TRPM6: variants seen among roughly 807,000 people sequenced by gnomAD.
The protein encoded by TRPM6 is channel kinase 2.
TRPM6 carries 111 observed loss-of-function variants against 247.6 expected under a neutral mutation model. The ratio of observed to expected loss-of-function variants is 0.45; its 90% CI spans 0.38 to 0.52. The LOEUF is 0.52. Among genes scored for constraint, TRPM6 ranks in the 20% least tolerant of loss-of-function variants. The pLI is 0.00. For synonymous variants in TRPM6, 892 were observed against 853.8 expected (o/e 1.04, Z -0.78); for missense variants, 2,126 against 2,421.5 (o/e 0.88, Z 2.56).
At chr9:74,816,037 T>C (rs1234203719) in intron 11 of TRPM6, among the ~76,000 whole-genome samples, 1 of 152,140 alleles carries the variant, frequency 6.6e-6, no homozygotes, top group Non-Finnish European at 1.5e-5. Context: ...AATAACAAGA[T>C]AGAAATCTAC....
In TRPM6 at chr9:74,815,248, G is replaced by T. The variant is rs1391080104; in HGVS notation, c.1308+1421C>A. Among the ~76,000 whole-genome samples the T allele has an allele frequency of 9.9e-5, 15 of 152,044 alleles. No individual in the cohort carries two copies. In the South Asian group the frequency reaches 2.1e-3, roughly 21 times the overall value. ...ACACAGCATAACACTGGAAAAGAAA[G>T]ATTTTTTTAACTTCCAGATAGGAAA... On this transcript the variant is annotated intron_variant, in intron 11 of 38. Transcript: ENST00000360774.
chr9:74,755,299 C>T, intron 28 of TRPM6, 54 bp downstream of exon 28: 2 of 1,604,976 alleles, frequency 1.2e-6, no homozygotes, highest in Non-Finnish European at 1.7e-6. Context: ...AAGACCGTAC[C>T]CTGAGAAAAC....
intron 1 of TRPM6, among the ~76,000 whole-genome samples, chr9:74,880,161 A>C (rs1280597542): frequency 3.9e-5 from 6 of 152,184 alleles, no homozygotes; most frequent in African/African-American, 1.4e-4. Context: ...AAAAATAAAG[A>C]AAAAATAATC....
At chr9:74,876,059 T>C (rs148145201) in intron 1 of TRPM6, among the ~76,000 whole-genome samples, 54 of 152,274 alleles carry the variant, frequency 3.5e-4, no homozygotes, top group African/African-American at 1.2e-3. Context: ...TGTCATATAA[T>C]ATTAACTGCA....
intron 28 of TRPM6, 117 bp from the exon 29 acceptor site, chr9:74,752,485 T>A (rs1437508358): frequency 1.5e-6 from 1 of 660,504 alleles, no homozygotes; most frequent in East Asian, 2.8e-5. Flanking sequence ...GATATAGTTT[T>A]CCCTTTCTGT....
intron 6 of TRPM6, among the ~76,000 whole-genome samples, chr9:74,829,284 C>A (rs1311576313): frequency 6.6e-6 from 1 of 151,970 alleles, no homozygotes; most frequent in East Asian, 1.9e-4. Context: ...ACAGTGAGAC[C>A]CCATCTCAAA....
chr9:74,795,496 G>A (rs1263841658), intron 18 of TRPM6, among the ~76,000 whole-genome samples: 1 of 152,080 alleles, frequency 6.6e-6, no homozygotes, highest in Non-Finnish European at 1.5e-5. Flanking sequence ...CACTTGCGAT[G>A]CTTTACATAT....
chr9:74,761,236 T>C (rs1188019296), intron 27 of TRPM6, among the ~76,000 whole-genome samples: 1 of 152,334 alleles, frequency 6.6e-6, no homozygotes, highest in Non-Finnish European at 1.5e-5. Context: ...ACTTACCATA[T>C]GACTCTGACA....
intron 1 of TRPM6, among the ~76,000 whole-genome samples, chr9:74,862,861 G>T (rs1044819693): frequency 6.6e-6 from 1 of 151,712 alleles, no homozygotes; most frequent in Non-Finnish European, 1.5e-5. Flanking sequence ...GGCGCCTATA[G>T]TCCCAGTTAC....
intron 37 of TRPM6, among the ~76,000 whole-genome samples, chr9:74,729,764 G>A (rs1187661623): frequency 3.3e-5 from 5 of 152,184 alleles, no homozygotes; most frequent in African/African-American, 9.7e-5. Flanking sequence ...GTTTATTTTA[G>A]TCGTTTAAAT....
At chr9:74,887,373 G>A in intron 1 of TRPM6, 2 of 1,385,310 alleles carry the variant, frequency 1.4e-6, no homozygotes, top group Non-Finnish European at 1.9e-6. Flanking sequence ...GTCAGCGTCC[G>A]GGTCTGAGAT....
chr9:74,859,823 G>C (rs147421461), intron 1 of TRPM6, among the ~76,000 whole-genome samples: 1 of 151,328 alleles, frequency 6.6e-6, no homozygotes, highest in East Asian at 1.9e-4. Flanking sequence ...TACACACATA[G>C]ATATTAGAAC....
rs1286344527 is a variant in TRPM6 at position 74,762,806 on chromosome 9, C to G, written c.3865G>C (p.Gly1289Arg). 9.3e-6 allele frequency: 15 copies of G among 1,614,086 alleles called. No homozygotes were observed. Among genetic ancestry groups the G allele is most frequent in the African/African-American group, 1.3e-5 (1 of 74,932 alleles). Residue 1289 changes from glycine (G) to arginine (R), a missense_variant, in exon 26 of 39, where the codon GGC (glycine) becomes CGC (arginine). Around this residue, in one of 3 missense-constraint regions of TRPM6, gnomAD observed 717 missense variants for 715.9 expected, o/e 1.00. Coordinates refer to ENST00000360774, the MANE Select transcript of TRPM6 (RefSeq NM_017662.5). ...CTCTGCACTCTTGGGGGATGCCGGCCTCCAGCCAGGCTCCTCAGCAAAGAA... is the reference window on the plus strand; with the variant it reads ...CTCTGCACTCTTGGGGGATGCCGGCGTCCAGCCAGGCTCCTCAGCAAAGAA... ...PSSLLRSLAG[G>R]RHPPRVQRGA...
rs956515483 is a variant in TRPM6, at chr9:74,761,926, AAAAAC to A, written c.4672+68_4672+72del. ...AATGTGGTTAAGAGTCACAGATTTA[AAAAAC>A]AAAACAAAACAAAACCAGTAGCAAT... On this transcript the variant is annotated intron_variant, in intron 26 of 38. Transcript: ENST00000360774. 3.8e-6 allele frequency: 6 copies of A among 1,563,046 alleles called. No individual in the cohort carries two copies. In the African/African-American group the frequency reaches 4.1e-5, roughly 11 times the overall value.
intron 27 of TRPM6, among the ~76,000 whole-genome samples, chr9:74,760,578 T>C (rs546529151): frequency 6.6e-6 from 1 of 152,248 alleles, no homozygotes; most frequent in African/African-American, 2.4e-5. Flanking sequence ...AATAAACATA[T>C]GAAAAGATGC....
chr9:74,738,219 CCCTA>C (rs1419234718), intron 36 of TRPM6, among the ~76,000 whole-genome samples, 184 bp downstream of exon 36: 1 of 152,038 alleles, frequency 6.6e-6, no homozygotes, highest in Non-Finnish European at 1.5e-5. Context: ...ACATTTTTCC[CCCTA>C]CCTAAGTGGG....
At chr9:74,854,725 G>A (rs1189858300) in intron 3 of TRPM6, among the ~76,000 whole-genome samples, 3 of 152,094 alleles carry the variant, frequency 2.0e-5, no homozygotes, top group South Asian at 2.1e-4. Flanking sequence ...GTGCAGTGGC[G>A]TAATCACAGC....
chr9:74,796,489 G>A (rs1828103044), intron 18 of TRPM6, among the ~76,000 whole-genome samples: 1 of 152,106 alleles, frequency 6.6e-6, no homozygotes, highest in Non-Finnish European at 1.5e-5. Context: ...TGTGTACAGG[G>A]CTTAATTAGT....
intron 1 of TRPM6, among the ~76,000 whole-genome samples, chr9:74,864,563 G>A (rs1370199094): frequency 6.6e-6 from 1 of 152,176 alleles, no homozygotes; most frequent in Non-Finnish European, 1.5e-5. Flanking sequence ...GTCTGTCCAG[G>A]AGGCAGAGAA....
Sources: allele counts gnomAD v4.1 joint callset (sites outside exome capture counted in the v4.1 genomes callset), GRCh38; gene constraint gnomAD v4.1.1; regional missense constraint gnomAD v4.1.1; transcripts MANE v1.5; gene names NCBI Gene and HGNC (gene_info 2026-07-23, HGNC 2026-07-21).